Variants in PRR12 observed in about 807,000 individuals in gnomAD.
PRR12 encodes the protein proline-rich protein 12.
Under a neutral mutation model 138.0 loss-of-function variants are expected in PRR12, and 12 were observed. That is an observed-to-expected ratio of 0.09 (90% CI 0.06 to 0.14). The LOEUF (loss-of-function observed/expected upper bound fraction) is 0.14, where lower values mean the gene tolerates loss of function less well. Ranked by LOEUF, PRR12 falls within the 10% of genes least tolerant of loss-of-function variation. The pLI is 1.00. For synonymous variants in PRR12, 1,567 were observed against 1,291.7 expected, an observed-to-expected ratio of 1.21 and a Z score of -4.57; for missense variants, 2,692 against 2,861.3, an observed-to-expected ratio of 0.94 and a Z score of 1.35.
chr19:49,596,834 CCAG>C lies in PRR12; in HGVS notation c.2501_2503del (p.Gln834del). 1 of 1,592,254 alleles carries C rather than the reference CCAG, an allele frequency of 6.3e-7. No homozygotes were observed. Among genetic ancestry groups the C allele is most frequent in the Non-Finnish European group, 8.5e-7 (1 of 1,175,670 alleles). ...AGCCAGCCACCCGCGATGGGGCACC[CCAG>C]CCACCTCCACCGCCACCCCCGCCTC... On this transcript the variant is annotated inframe_deletion, in exon 4 of 14. Coordinates refer to ENST00000418929, the MANE Select transcript of PRR12 (RefSeq NM_020719.3). The surrounding 1 kb of genome is among the most constrained non-coding windows in gnomAD (Gnocchi z 5.6).
In PRR12 at chr19:49,602,022, C is replaced by T. The variant is rs192763864; in HGVS notation, c.4773+104C>T. The stretch of plus-strand genomic sequence containing the variant: ...TTGTGCTGAGACCTGCAGATCCAGT[C>T]GTGGCCGGGCCGCCCTGGAATTTGC... On this transcript the variant is annotated intron_variant, in intron 6 of 13. Transcript: ENST00000418929. 6.9e-5 allele frequency: 96 copies of T among 1,398,674 alleles called. No individual in the cohort carries two copies. The African/African-American group carries it at 8.3e-4, about 12-fold the overall frequency. 86.6% of individuals were successfully genotyped at this position (1,398,674 alleles called of 1,614,324 possible).
chr19:49,594,582 C>A lies in PRR12; in HGVS notation c.328C>A (p.Leu110Ile), dbSNP rs1463610390. The A allele has an allele frequency of 6.2e-7, 1 of 1,613,098 alleles. No homozygotes were observed. Among genetic ancestry groups the A allele is most frequent in the Admixed American group, 1.7e-5 (1 of 59,980 alleles). Residue 110 changes from leucine (L) to isoleucine (I), a missense_variant, in exon 3 of 14, where the codon CTC becomes ATC. Around this residue, in one of 11 missense-constraint regions of PRR12, gnomAD observed 211 missense variants for 266.3 expected, o/e 0.79. Coordinates refer to ENST00000418929, the MANE Select transcript of PRR12 (RefSeq NM_020719.3). This position sits in a 1 kb window ranked among gnomAD's most constrained non-coding sequence, Gnocchi z 5.6. Reference protein sequence around the residue: ...PQPGPSASSLLSQFRSPSWQT... With the variant: ...PQPGPSASSLISQFRSPSWQT... ...GCCTGGCCCCTCCGCCTCCTCTCTCCTCTCCCAGTTCCGCAGTCCTTCCTG... is the reference window on the plus strand; with the variant it reads ...GCCTGGCCCCTCCGCCTCCTCTCTCATCTCCCAGTTCCGCAGTCCTTCCTG...
intron 6 of PRR12, among the ~76,000 whole-genome samples, chr19:49,602,919 C>T (rs1476528782): frequency 6.6e-6 from 1 of 152,262 alleles, no homozygotes; most frequent in African/African-American, 2.4e-5. Context: ...CTGTTCACTG[C>T]TTCCAGTTTG....
rs556524473 is a variant in PRR12 at position 49,601,667 on chromosome 19, G to A, written c.4522G>A (p.Ala1508Thr). 3.4e-5 allele frequency: 52 copies of A among 1,537,938 alleles called. No individual in the cohort carries two copies. Among genetic ancestry groups the A allele is most frequent in the Non-Finnish European group, 1.7e-5 (19 of 1,145,596 alleles). ...PPPLPPPPPPAMPSPPPPPPP... is the reference protein window; with the variant it reads ...PPPLPPPPPPTMPSPPPPPPP... ...GCCGCTGCCGCCGCCACCTCCACCAGCCATGCCCTCGCCTCCACCACCACC... is the reference window on the plus strand; with the variant it reads ...GCCGCTGCCGCCGCCACCTCCACCAACCATGCCCTCGCCTCCACCACCACC... Residue 1508 changes from alanine (A) to threonine (T), a missense_variant, in exon 6 of 14, where the codon GCC becomes ACC. Transcript: ENST00000418929.
Position 49,597,347 on chromosome 19 carries a change from G to A in PRR12, c.3012G>A (p.Glu1004=), listed in dbSNP as rs1171071769. The change falls in exon 4 of 14, where the codon GAG becomes GAA. Residue 1004 remains glutamate (E), a synonymous_variant. Transcript: ENST00000418929. This position sits in a 1 kb window ranked among gnomAD's most constrained non-coding sequence, Gnocchi z 6.3. ...GCCGGGCGTCGGGAGCCGGGCCCGA[G>A]ACACCGGGCCTGGGCCTGGACCCCA... The part of the protein sequence containing the change: ...CPGRASGAGP[E]TPGLGLDPNK... The A allele has an allele frequency of 1.9e-6, 3 of 1,540,612 alleles. No homozygotes were observed. The highest frequency in any genetic ancestry group is 2.4e-5 in the East Asian group (1 of 40,982).
In PRR12 at chr19:49,594,974, C is replaced by G. The variant is rs372297028; in HGVS notation, c.639C>G (p.Val213=). 2.5e-6 allele frequency: 4 copies of G among 1,599,814 alleles called. No individual in the cohort carries two copies. The highest frequency in any genetic ancestry group is 3.4e-6 in the Non-Finnish European group (4 of 1,174,834). ...LGFERLAGGG[V]LGPAGLGPAQ... is the part of the protein sequence containing the mutation. ...TCGAGCGCCTGGCAGGGGGCGGTGTCTTGGGGCCAGCTGGTCTCGGTCCAG... is the reference window on the plus strand; with the variant it reads ...TCGAGCGCCTGGCAGGGGGCGGTGTGTTGGGGCCAGCTGGTCTCGGTCCAG... Residue 213 remains valine, a synonymous_variant, in exon 4 of 14, where the codon GTC becomes GTG. Transcript: ENST00000418929. This position sits in a 1 kb window ranked among gnomAD's most constrained non-coding sequence, Gnocchi z 5.6.
At chr19:49,621,767 C>A in intron 11 of PRR12, 145 bp downstream of exon 11, 1 of 666,002 alleles carries the variant, frequency 1.5e-6, no homozygotes, top group South Asian at 1.8e-5. Flanking sequence ...GAGGGCAGGA[C>A]TGTCAGGAGA....
rs1031926863 is a variant in PRR12 at position 49,591,384 on chromosome 19, C to T, written c.-271C>T. Among the ~76,000 whole-genome samples, 118 of 149,146 alleles carry T rather than the reference C, an allele frequency of 7.9e-4. No homozygotes were observed. The highest frequency in any genetic ancestry group is 7.0e-3 in the Middle Eastern group (2 of 284). On this transcript the variant is annotated 5_prime_UTR_variant, in exon 1 of 14. Coordinates refer to ENST00000418929, the MANE Select transcript of PRR12 (RefSeq NM_020719.3). ...AGGCGGAGACAGCGGGGTCCCTCCT[C>T]CCCCCTTCCCTCCTCTAGGGGGAAC...
At chr19:49,611,922 CAAAAAAAAA>C (rs58725614) in intron 6 of PRR12, among the ~76,000 whole-genome samples, 2 of 38,664 alleles carry the variant, frequency 5.2e-5, no homozygotes, top group Admixed American at 3.4e-4. Flanking sequence ...GACTCCGTCT[CAAAAAAAAA>C]AAAAAAAAAA....
rs898835269 is a variant in PRR12, at chr19:49,594,191, T to G, written c.200-263T>G. 6.6e-6 allele frequency among the ~76,000 whole-genome samples: 1 copy of G among 152,216 alleles called. No homozygotes were observed. Among genetic ancestry groups the G allele is most frequent in the Non-Finnish European group, 1.5e-5 (1 of 68,042 alleles). On this transcript the variant is annotated intron_variant, in intron 2 of 13. Transcript: ENST00000418929. The surrounding 1 kb of genome is among the most constrained non-coding windows in gnomAD (Gnocchi z 5.6). Reference sequence around the variant, plus strand: ...TTTCGCTTCTAGATTTTTCTACACTTTTGTCTACCATTTCCTACCTGGGCC... The same window carrying G: ...TTTCGCTTCTAGATTTTTCTACACTGTTGTCTACCATTTCCTACCTGGGCC...
In PRR12 at chr19:49,597,896, C is replaced by G. The variant is rs561427502; in HGVS notation, c.3561C>G (p.Pro1187=). Residue 1187 remains proline (P), a synonymous_variant, in exon 4 of 14, where the codon CCC becomes CCG. Transcript: ENST00000418929. The surrounding 1 kb of genome is among the most constrained non-coding windows in gnomAD (Gnocchi z 6.3). ...RPLEVPTTAG[P]ASASTPTDGA... ...TGGAGGTCCCGACCACTGCGGGGCCCGCCTCGGCCTCCACGCCCACCGATG... is the reference window on the plus strand; with the variant it reads ...TGGAGGTCCCGACCACTGCGGGGCCGGCCTCGGCCTCCACGCCCACCGATG... 2.1e-6 allele frequency: 3 copies of G among 1,417,704 alleles called. No individual in the cohort carries two copies. Among genetic ancestry groups the G allele is most frequent in the Admixed American group, 3.1e-5 (1 of 31,896 alleles). The allele number at this position is 1,417,704 out of a possible 1,614,324, so 87.8% of individuals were successfully genotyped here. A position where few individuals can be genotyped will look rare whatever the true frequency, so the allele number is the denominator to read the frequency against.
Position 49,620,508 on chromosome 19 carries a change from G to A in PRR12, c.5623+31G>A, listed in dbSNP as rs373580551. On this transcript the variant is annotated intron_variant, in intron 10 of 13. Coordinates refer to ENST00000418929, the MANE Select transcript of PRR12 (RefSeq NM_020719.3). ...CTGAGGCCTGGGGAGGAGGGGGGGG[G>A]GCTGACTCGGTCTGAGGGAGCAGGT... 83 of 1,517,154 alleles carry A rather than the reference G, an allele frequency of 5.5e-5. 1 individual carries two copies. The South Asian group carries it at 6.2e-4, about 11-fold the overall frequency. 94.0% of individuals were successfully genotyped at this position (1,517,154 alleles called of 1,614,324 possible). A position where few individuals can be genotyped will look rare whatever the true frequency, so the allele number is the denominator to read the frequency against.
intron 5 of PRR12, among the ~76,000 whole-genome samples, chr19:49,600,514 G>T (rs1409965237): frequency 2.6e-5 from 4 of 151,520 alleles, no homozygotes; most frequent in Admixed American, 2.6e-4. Flanking sequence ...GGCCGGGCAT[G>T]GTGGACCACA....
Position 49,591,518 on chromosome 19 carries a change from G to T in PRR12, c.-137G>T, listed in dbSNP as rs1370562381. The T allele has an allele frequency of 5.0e-5, 23 of 461,572 alleles. No individual in the cohort carries two copies. The highest frequency in any genetic ancestry group is 7.3e-5 in the Non-Finnish European group (20 of 274,838). The allele number at this position is 461,572 out of a possible 1,614,324, so 28.6% of individuals were successfully genotyped here. A position where few individuals can be genotyped will look rare whatever the true frequency, so the allele number is the denominator to read the frequency against. On this transcript the variant is annotated 5_prime_UTR_variant, in exon 1 of 14. Transcript: ENST00000418929. ...GGGCCTTCCCGGGCCTTCGGCGGCT[G>T]CAAAGAAAAAAAGAGAGAGAGAAAA...
Position 49,599,739 on chromosome 19 carries a change from G to A in PRR12, c.4146G>A (p.Ser1382=), listed in dbSNP as rs770536281. Residue 1382 remains serine (S), a synonymous_variant, in exon 5 of 14, where the codon TCG becomes TCA. Transcript: ENST00000418929. The surrounding 1 kb of genome is among the most constrained non-coding windows in gnomAD (Gnocchi z 5.0). ...TCGAGACGCTGCCCTCCTTCTCCTC[G>A]GATGAGGAAGACTCTGTCGCCAAGA... The part of the protein sequence containing the change: ...RNLETLPSFS[S]DEEDSVAKNR... 1.9e-6 allele frequency: 3 copies of A among 1,613,570 alleles called. No individual in the cohort carries two copies. Among genetic ancestry groups the A allele is most frequent in the Non-Finnish European group, 2.5e-6 (3 of 1,179,880 alleles).
At chr19:49,623,683 T>C (rs1383445813) in intron 11 of PRR12, among the ~76,000 whole-genome samples, 1 of 150,322 alleles carries the variant, frequency 6.7e-6, no homozygotes, top group Non-Finnish European at 1.5e-5. Flanking sequence ...AGGATAGGGC[T>C]GAGAATTCTG....
At chr19:49,612,388 G>C (rs2080871425) in intron 6 of PRR12, among the ~76,000 whole-genome samples, 1 of 152,070 alleles carries the variant, frequency 6.6e-6, no homozygotes, top group Admixed American at 6.6e-5. Flanking sequence ...ATGAGAGGCA[G>C]GATGGGTGGG....
Position 49,625,690 on chromosome 19 carries a change from G to T in PRR12, c.*83G>T. 5 of 1,476,678 alleles carry T rather than the reference G, an allele frequency of 3.4e-6. No individual in the cohort carries two copies. The highest frequency in any genetic ancestry group is 4.5e-6 in the Non-Finnish European group (5 of 1,111,388). The allele number at this position is 1,476,678 out of a possible 1,614,324, so 91.5% of individuals were successfully genotyped here. ...CCGTGTCCTCAGGAGCTAACACCTG[G>T]GCTCCATCGCCGGGGAAAGGGGGTC... is the stretch of plus-strand genomic sequence containing the variant. On this transcript the variant is annotated 3_prime_UTR_variant, in exon 14 of 14. Coordinates refer to ENST00000418929, the MANE Select transcript of PRR12 (RefSeq NM_020719.3). The surrounding 1 kb of genome is among the most constrained non-coding windows in gnomAD (Gnocchi z 5.5).
Position 49,595,804 on chromosome 19 carries a change from G to T in PRR12, c.1469G>T (p.Gly490Val). ...CCCCCCAGCGGCCCCCCTCCTCCTG[G>T]CCTGGCCACATGTCAGAGCTACTCC... ...PQPPSGPPPP[G>V]LATCQSYSPD... Residue 490 changes from glycine to valine, a missense_variant, in exon 4 of 14, where the codon GGC becomes GTC. Gly to Val is a moderately radical substitution (Grantham distance 109). Transcript: ENST00000418929. The T allele has an allele frequency of 6.3e-7, 1 of 1,598,358 alleles. No individual in the cohort carries two copies. Among genetic ancestry groups the T allele is most frequent in the Non-Finnish European group, 8.5e-7 (1 of 1,175,118 alleles).
Sources: gnomAD v4.1 joint callset for allele counts (sites outside exome capture counted in the v4.1 genomes callset) on GRCh38, gnomAD v4.1.1 for gene constraint, gnomAD v4.1.1 regional missense constraint, Gnocchi (gnomAD v3.1) non-coding constraint, MANE v1.5 for transcripts, NCBI Gene and HGNC (gene_info 2026-07-23, HGNC 2026-07-21) for gene names.